Variants in DOCK8 observed in about 807,000 individuals in gnomAD.
DOCK8 encodes the protein dedicator of cytokinesis protein 8.
In DOCK8, 141 loss-of-function variants were observed where a neutral mutation model predicts 245.6. The ratio of observed to expected loss-of-function variants is 0.57; its 90% CI spans 0.50 to 0.66. DOCK8 has a LOEUF of 0.66. DOCK8 is among the 30% of genes least tolerant of loss of function. The pLI is 0.00. For synonymous variants in DOCK8, 1,168 were observed against 970.2 expected, an observed-to-expected ratio of 1.20 and a Z score of -3.79; for missense variants, 2,965 against 2,603.4, an observed-to-expected ratio of 1.14 and a Z score of -3.02.
Position 372,206 on chromosome 9 carries a change from G to A in DOCK8, c.2029G>A (p.Glu677Lys). 1 of 1,614,024 alleles carries A rather than the reference G, an allele frequency of 6.2e-7. No homozygotes were observed. The highest frequency in any genetic ancestry group is 8.5e-7 in the Non-Finnish European group (1 of 1,179,988). The change falls in exon 18 of 48, where the codon GAA becomes AAA. Residue 677 changes from glutamate to lysine, a missense_variant. By Grantham distance (56) the Glu-to-Lys change is moderately conservative. Coordinates refer to ENST00000432829, the MANE Select transcript of DOCK8 (RefSeq NM_203447.4). Reference protein sequence around the residue: ...GYSWLPILLNERLQTGSYCLP... With the variant: ...GYSWLPILLNKRLQTGSYCLP... ...TCAGTGGCTGCCAATTCTCTTAAATGAACGTCTTCAAACTGGATCCTACTG... is the reference window on the plus strand; with the variant it reads ...TCAGTGGCTGCCAATTCTCTTAAATAAACGTCTTCAAACTGGATCCTACTG...
At chr9:214,454 T>A (rs77382222), upstream of DOCK8, 4,850 of 1,419,090 alleles carry the variant, frequency 3.4e-3, 135 homozygotes, top group African/African-American at 0.061. Context: ...CTTTTTTGTC[T>A]TTTTTTTTGG....
chr9:326,446 C>G (rs2050771035), intron 8 of DOCK8, among the ~76,000 whole-genome samples: 1 of 152,186 alleles, frequency 6.6e-6, no homozygotes, highest in African/African-American at 2.4e-5. Flanking sequence ...GCATGCATCA[C>G]AATCTCCTGG....
intron 12 of DOCK8, among the ~76,000 whole-genome samples, chr9:337,474 C>T (rs757969895): frequency 6.6e-6 from 1 of 152,184 alleles, no homozygotes; most frequent in Non-Finnish European, 1.5e-5. Flanking sequence ...GCTATGACAA[C>T]AGTCTGGCTG....
chr9:214,768 G>A (rs931797224), upstream of DOCK8: 5 of 1,537,088 alleles, frequency 3.3e-6, no homozygotes, highest in South Asian at 1.2e-5. Flanking sequence ...GCGCCAGGCC[G>A]GGTGGCGGAG....
chr9:354,069 C>T (rs527731515), intron 14 of DOCK8, among the ~76,000 whole-genome samples: 107 of 152,304 alleles, frequency 7.0e-4, no homozygotes, highest in African/African-American at 2.4e-3. Context: ...CGGTGGCTCA[C>T]GCCTGTAATC....
At chr9:255,701 A>AATAACTTTACCATAC (rs2047756611) in intron 1 of DOCK8, among the ~76,000 whole-genome samples, 1 of 150,224 alleles carries the variant, frequency 6.7e-6, no homozygotes, top group South Asian at 2.1e-4. Flanking sequence ...AAACAGCTCA[A>AATAACTTTACCATAC]ATAACTTTAC....
intron 22 of DOCK8, among the ~76,000 whole-genome samples, chr9:385,422 T>C (rs2053911565): frequency 6.6e-6 from 1 of 152,262 alleles, no homozygotes; most frequent in Non-Finnish European, 1.5e-5. Flanking sequence ...ATAATAACTA[T>C]ACAACTTATA....
intron 25 of DOCK8, 78 bp from the exon 26 acceptor site, chr9:399,068 C>G: frequency 2.2e-6 from 3 of 1,355,208 alleles, no homozygotes; most frequent in Non-Finnish European, 3.1e-6. Flanking sequence ...CTGTCTCTCC[C>G]AATGTTCCCA....
chr9:349,445 A>C (rs1174692659), intron 14 of DOCK8, among the ~76,000 whole-genome samples: 4 of 152,256 alleles, frequency 2.6e-5, no homozygotes, highest in African/African-American at 9.6e-5. Flanking sequence ...GAGGAGCTCA[A>C]CATAACGGCT....
At chr9:275,179 G>A (rs12343204) in intron 2 of DOCK8, among the ~76,000 whole-genome samples, 85,466 of 152,136 alleles carry the variant, frequency 0.56, 26,422 homozygotes, top group African/African-American at 0.81. Context: ...ATTATATAAT[G>A]GGTCCTTTGT....
rs554024177 is a variant in DOCK8, at chr9:276,684, A to G, written c.156+4955A>G. On this transcript the variant is annotated intron_variant, in intron 2 of 47. Transcript: ENST00000432829. Reference sequence around the variant, plus strand: ...TCACTTATTGGCTTTGGCATTCTCTATTGCCACAGCTGTGTGAATAGATTA... The same window carrying G: ...TCACTTATTGGCTTTGGCATTCTCTGTTGCCACAGCTGTGTGAATAGATTA... Among the ~76,000 whole-genome samples, 97 of 152,214 alleles carry G rather than the reference A, an allele frequency of 6.4e-4. No individual in the cohort carries two copies. In the South Asian group the frequency reaches 0.02, roughly 31 times the overall value.
intron 32 of DOCK8, 115 bp from the exon 33 acceptor site, chr9:421,933 T>C: frequency 1.1e-6 from 1 of 930,152 alleles, no homozygotes; most frequent in Non-Finnish European, 1.7e-6. Context: ...GCATGGACTC[T>C]AATTAGCCCG....
intron 9 of DOCK8, 146 bp downstream of exon 9, chr9:328,317 C>T (rs896752416): frequency 3.4e-5 from 39 of 1,144,288 alleles, no homozygotes; most frequent in East Asian, 2.6e-4. Flanking sequence ...ACCCCTTTTC[C>T]GTTCTAAGTA....
chr9:240,836 T>A (rs1054425218), intron 1 of DOCK8, among the ~76,000 whole-genome samples: 4 of 152,182 alleles, frequency 2.6e-5, no homozygotes, highest in African/African-American at 9.6e-5. Flanking sequence ...TCATGTCAGA[T>A]AATGTCTCAT....
At chr9:226,339 A>C (rs1385583730) in intron 1 of DOCK8, among the ~76,000 whole-genome samples, 2 of 151,756 alleles carry the variant, frequency 1.3e-5, no homozygotes, top group Admixed American at 1.3e-4. Context: ...ACATGTGGGG[A>C]TTATGGGAGC....
chr9:414,442 A>T (rs762283606), intron 28 of DOCK8, among the ~76,000 whole-genome samples: 10 of 152,262 alleles, frequency 6.6e-5, no homozygotes, highest in Non-Finnish European at 1.5e-4. Context: ...TCTGGATTCT[A>T]TGTAGTTCTA....
At chr9:422,261 T>G (rs1364086007) in intron 33 of DOCK8, 126 bp downstream of exon 33, 7 of 823,798 alleles carry the variant, frequency 8.5e-6, no homozygotes, top group Non-Finnish European at 1.4e-5. Context: ...ATTATCTGTG[T>G]AAATACAATT....
chr9:372,114 C>G, intron 17 of DOCK8, 71 bp from the exon 18 acceptor site: 3 of 1,342,182 alleles, frequency 2.2e-6, no homozygotes, highest in South Asian at 1.2e-5. Context: ...TTGATTATTG[C>G]GAGCTAGATA....
intron 9 of DOCK8, among the ~76,000 whole-genome samples, chr9:330,358 T>C (rs1332281921): frequency 1.3e-5 from 2 of 152,048 alleles, no homozygotes; most frequent in East Asian, 3.8e-4. Context: ...AAGGGCCACA[T>C]AGTTTGAGAA....
Sources: allele counts gnomAD v4.1 joint callset (sites outside exome capture counted in the v4.1 genomes callset), GRCh38; gene constraint gnomAD v4.1.1; transcripts MANE v1.5; gene names NCBI Gene and HGNC (gene_info 2026-07-23, HGNC 2026-07-21).